The following SLC2A1 variants were observed in gnomAD, a reference collection of about 807,000 sequenced individuals.
SLC2A1 encodes the protein solute carrier family 2 member 1.
Under a neutral mutation model 46.6 loss-of-function variants are expected in SLC2A1, and 4 were observed. The observed-to-expected ratio is 0.09, with a 90% CI of 0.04 to 0.20. The LOEUF is 0.20. Ranked by LOEUF, SLC2A1 falls within the 10% of genes least tolerant of loss-of-function variation. The pLI, the probability that SLC2A1 is intolerant of heterozygous loss-of-function variation, is 1.00. For missense variants in SLC2A1, 352 were observed against 667.0 expected (o/e 0.53, Z 5.20); for synonymous variants, 253 against 270.0 (o/e 0.94, Z 0.62).
Position 42,951,587 on chromosome 1 carries a change from G to T in SLC2A1, c.18+7047C>A, listed in dbSNP as rs1419931227. 4 of 362,288 alleles carry T rather than the reference G, an allele frequency of 1.1e-5. No individual in the cohort carries two copies. In the East Asian group the frequency reaches 1.2e-4, roughly 11 times the overall value. 22.4% of individuals were successfully genotyped at this position (362,288 alleles called of 1,614,324 possible). On this transcript the variant is annotated intron_variant, in intron 1 of 9. Transcript: ENST00000426263. ...ACACATGCACAAAGAGAAGTCTTTA[G>T]GGTAAACACCAAACTGTCAAAACTA...
In SLC2A1 at chr1:42,929,885, G is replaced by T. The variant is rs796053248; in HGVS notation, c.667C>A (p.Arg223=). Residue 223 remains arginine, a synonymous_variant, in exon 5 of 10, where the codon CGG becomes AGG. Coordinates refer to ENST00000426263, the MANE Select transcript of SLC2A1 (RefSeq NM_006516.4). This position sits in a 1 kb window ranked among gnomAD's most constrained non-coding sequence, Gnocchi z 6.0. ...FLLINRNEEN[R]AKSVLKKLRG... The stretch of plus-strand genomic sequence containing the variant: ...GCCATGCCCGTACCACTCTTGGCCC[G>T]GTTCTCCTCGTTGCGGTTGATGAGC... 1.9e-6 allele frequency: 3 copies of T among 1,614,074 alleles called. No homozygotes were observed. In the African/African-American group the frequency reaches 4.0e-5, roughly 22 times the overall value.
At chr1:42,950,169 T>C (rs1643704977) in intron 1 of SLC2A1, among the ~76,000 whole-genome samples, 1 of 152,266 alleles carries the variant, frequency 6.6e-6, no homozygotes, top group African/African-American at 2.4e-5. Context: ...AAGAATTATA[T>C]TAAATTCACA....
intron 1 of SLC2A1, among the ~76,000 whole-genome samples, chr1:42,955,433 AC>A (rs1643762390): frequency 6.6e-6 from 1 of 152,118 alleles, no homozygotes; most frequent in Admixed American, 6.5e-5. Context: ...ACATGGCGAA[AC>A]CCTGTCTCTA....
chr1:42,930,954 A>G lies in SLC2A1; in HGVS notation c.276-88T>C. The G allele has an allele frequency of 6.2e-7, 1 of 1,607,172 alleles. No homozygotes were observed. Among genetic ancestry groups the G allele is most frequent in the African/African-American group, 1.3e-5 (1 of 74,944 alleles). ...AGAGGTAATACCCTGGAACAGGCAG[A>G]TAAGTCTCCCCTACCTCCCACCCCA... On this transcript the variant is annotated intron_variant, in intron 3 of 9. Transcript: ENST00000426263. This position sits in a 1 kb window ranked among gnomAD's most constrained non-coding sequence, Gnocchi z 6.2.
In SLC2A1 at chr1:42,929,997, C is replaced by G. The variant is rs1417102372; in HGVS notation, c.555G>C (p.Leu185=). 1 of 1,614,046 alleles carries G rather than the reference C, an allele frequency of 6.2e-7. No homozygotes were observed. Among genetic ancestry groups the G allele is most frequent in the African/African-American group, 1.3e-5 (1 of 74,926 alleles). The change falls in exon 5 of 10, where the codon CTG becomes CTC. Residue 185 remains leucine (L), a synonymous_variant. Coordinates refer to ENST00000426263, the MANE Select transcript of SLC2A1 (RefSeq NM_006516.4). The surrounding 1 kb of genome is among the most constrained non-coding windows in gnomAD (Gnocchi z 6.0). ...AGATGATGCTCAGCAGCAGGGGCCACAGGTCCTTGTTGCCCATGATGGAGT... is the reference window on the plus strand; with the variant it reads ...AGATGATGCTCAGCAGCAGGGGCCAGAGGTCCTTGTTGCCCATGATGGAGT... ...GLDSIMGNKD[L]WPLLLSIIFI... is the part of the protein sequence containing the mutation.
In SLC2A1 at chr1:42,954,576, T is replaced by A. The variant is rs751499619; in HGVS notation, c.18+4058A>T. On this transcript the variant is annotated intron_variant, in intron 1 of 9. Transcript: ENST00000426263. This position sits in a 1 kb window ranked among gnomAD's most constrained non-coding sequence, Gnocchi z 4.2. ...ATAGAACGCCTCAAATCTTTTGTGA[T>A]AGCCTTATCTCGGACAAATCTCTTC... 1.3e-5 allele frequency among the ~76,000 whole-genome samples: 2 copies of A among 152,170 alleles called. No individual in the cohort carries two copies. Among genetic ancestry groups the A allele is most frequent in the Non-Finnish European group, 2.9e-5 (2 of 68,030 alleles).
At chr1:42,946,466 T>TA (rs78098538) in intron 1 of SLC2A1, among the ~76,000 whole-genome samples, 11,720 of 152,112 alleles carry the variant, frequency 0.077, 950 homozygotes, top group African/African-American at 0.19. Flanking sequence ...GATGAGAGGC[T>TA]AGTGTGGTCT....
Position 42,930,953 on chromosome 1 carries a change from G to A in SLC2A1, c.276-87C>T, listed in dbSNP as rs1643483169. On this transcript the variant is annotated intron_variant, in intron 3 of 9. Coordinates refer to ENST00000426263, the MANE Select transcript of SLC2A1 (RefSeq NM_006516.4). This position sits in a 1 kb window ranked among gnomAD's most constrained non-coding sequence, Gnocchi z 6.2. ...CAGAGGTAATACCCTGGAACAGGCA[G>A]ATAAGTCTCCCCTACCTCCCACCCC... 1.4e-5 allele frequency: 23 copies of A among 1,607,138 alleles called. No homozygotes were observed. Among genetic ancestry groups the A allele is most frequent in the Non-Finnish European group, 1.7e-5 (20 of 1,177,952 alleles).
chr1:42,940,110 C>A (rs1297163198), intron 2 of SLC2A1, among the ~76,000 whole-genome samples: 2 of 152,050 alleles, frequency 1.3e-5, no homozygotes, highest in Non-Finnish European at 2.9e-5. Flanking sequence ...TTAAAAATAA[C>A]CTTCATTAAA....
chr1:42,943,496 A>G (rs1021301190), intron 1 of SLC2A1, among the ~76,000 whole-genome samples, 175 bp from the exon 2 acceptor site: 1 of 152,168 alleles, frequency 6.6e-6, no homozygotes, highest in Admixed American at 6.5e-5. Context: ...AAACCAGCCT[A>G]GCTGACTTCA....
chr1:42,958,391 G>T (rs1643803774), intron 1 of SLC2A1, among the ~76,000 whole-genome samples: 1 of 150,736 alleles, frequency 6.6e-6, no homozygotes, highest in African/African-American at 2.4e-5. Flanking sequence ...TGTGCTCAGT[G>T]CCGGCGCCAA....
chr1:42,927,837 G>A lies in SLC2A1; in HGVS notation c.1075-29C>T. On this transcript the variant is annotated intron_variant, in intron 8 of 9. Transcript: ENST00000426263. This position sits in a 1 kb window ranked among gnomAD's most constrained non-coding sequence, Gnocchi z 5.3. Reference sequence around the variant, plus strand: ...TTGAGGATGACGGAGAGGGGGAAAAGTTAGACTGGGTTGTGATGGATCCTC... The same window carrying A: ...TTGAGGATGACGGAGAGGGGGAAAAATTAGACTGGGTTGTGATGGATCCTC... The A allele has an allele frequency of 6.5e-7, 1 of 1,540,898 alleles. No individual in the cohort carries two copies.
intron 2 of SLC2A1, among the ~76,000 whole-genome samples, chr1:42,931,721 C>T (rs1432999591): frequency 2.7e-5 from 4 of 149,916 alleles, no homozygotes; most frequent in Admixed American, 6.7e-5. Context: ...CCCAGCTACA[C>T]GGGAGGCTAA....
chr1:42,927,664 C>T lies in SLC2A1; in HGVS notation c.1219G>A (p.Ala407Thr). The T allele has an allele frequency of 6.2e-7, 1 of 1,614,202 alleles. No homozygotes were observed. The highest frequency in any genetic ancestry group is 1.1e-5 in the South Asian group (1 of 91,088). Residue 407 changes from alanine to threonine, a missense_variant, in exon 9 of 10, where the codon GCA becomes ACA. Around this residue, in one of 5 missense-constraint regions of SLC2A1, gnomAD observed 35 missense variants for 107.2 expected, o/e 0.33. Coordinates refer to ENST00000426263, the MANE Select transcript of SLC2A1 (RefSeq NM_006516.4). This position sits in a 1 kb window ranked among gnomAD's most constrained non-coding sequence, Gnocchi z 5.3. ...QGPRPAAIAV[A>T]GFSNWTSNFI... is the part of the protein sequence containing the mutation. ...TTTGAGGTCCAGTTGGAGAAGCCTG[C>T]AACGGCAATGGCAGCTGGACGTGGA...
Position 42,958,717 on chromosome 1 carries a change from G to T in SLC2A1, c.-66C>A. ...GGGTGGCGACGGGCGTGCGAGCGGC[G>T]CTCTCCCGCTCAGGCTCGTGCTCCG... On this transcript the variant is annotated 5_prime_UTR_variant, in exon 1 of 10. Transcript: ENST00000426263. 6.7e-7 allele frequency: 1 copy of T among 1,492,446 alleles called. No individual in the cohort carries two copies. Among genetic ancestry groups the T allele is most frequent in the Non-Finnish European group, 9.0e-7 (1 of 1,109,554 alleles). The allele number at this position is 1,492,446 out of a possible 1,614,324, so 92.5% of individuals were successfully genotyped here. A position where few individuals can be genotyped will look rare whatever the true frequency, so the allele number is the denominator to read the frequency against.
chr1:42,932,526 T>C (rs781425303), intron 2 of SLC2A1, among the ~76,000 whole-genome samples: 2 of 152,172 alleles, frequency 1.3e-5, no homozygotes, highest in Admixed American at 6.5e-5. Context: ...CCCCTACCAC[T>C]TACAGCTCAA....
intron 2 of SLC2A1, 75 bp downstream of exon 2, chr1:42,943,151 C>T (rs1470461279): frequency 8.4e-6 from 8 of 955,000 alleles, no homozygotes; most frequent in African/African-American, 3.2e-5. Context: ...CAGGTGGTGG[C>T]GTGAGACTGT....
intron 1 of SLC2A1, among the ~76,000 whole-genome samples, chr1:42,955,926 T>C (rs1643767947): frequency 6.6e-6 from 1 of 152,166 alleles, no homozygotes; most frequent in South Asian, 2.1e-4. Context: ...GGAAGTTAGT[T>C]AAGTCAGTTC....
chr1:42,942,886 C>T, intron 2 of SLC2A1: 2 of 357,948 alleles, frequency 5.6e-6, no homozygotes, highest in South Asian at 2.4e-5. Flanking sequence ...CCCAGAATGC[C>T]ACGGAAATGC....
Sources: gnomAD v4.1 joint callset for allele counts (sites outside exome capture counted in the v4.1 genomes callset) on GRCh38, gnomAD v4.1.1 for gene constraint, gnomAD v4.1.1 regional missense constraint, Gnocchi (gnomAD v3.1) non-coding constraint, MANE v1.5 for transcripts, NCBI Gene and HGNC (gene_info 2026-07-23, HGNC 2026-07-21) for gene names.